The following SPOCK3 variants were observed in gnomAD, a reference collection of about 807,000 sequenced individuals.
SPOCK3 encodes the protein SPARC (osteonectin), cwcv and kazal like domains proteoglycan 3, also known as testican-3.
In SPOCK3, 30 loss-of-function variants were observed where a neutral mutation model predicts 56.6. The observed-to-expected ratio is 0.53, with a 90% CI of 0.40 to 0.72. SPOCK3 has a LOEUF of 0.72. Among genes scored for constraint, SPOCK3 ranks in the 30% least tolerant of loss-of-function variants. SPOCK3 has a pLI of 0.00. For synonymous variants in SPOCK3, 196 were observed against 183.3 expected (o/e 1.07, Z -0.56); for missense variants, 527 against 530.0 (o/e 0.99, Z 0.06).
At chr4:166,908,539 C>A (rs1736883443) in intron 5 of SPOCK3, among the ~76,000 whole-genome samples, 1 of 150,932 alleles carries the variant, frequency 6.6e-6, no homozygotes, top group Admixed American at 6.6e-5. Flanking sequence ...CACACACACA[C>A]ACACACACAC....
chr4:167,080,769 C>A (rs1001655441), intron 2 of SPOCK3, among the ~76,000 whole-genome samples: 7 of 151,796 alleles, frequency 4.6e-5, no homozygotes, highest in African/African-American at 1.7e-4. Context: ...TGCAAGGAGG[C>A]TGGGAGGAGG....
At chr4:166,884,954 C>G (rs777512049) in intron 6 of SPOCK3, among the ~76,000 whole-genome samples, 1 of 151,180 alleles carries the variant, frequency 6.6e-6, no homozygotes, top group Non-Finnish European at 1.5e-5. Flanking sequence ...TAAGGCAAAA[C>G]GAGAAATATG....
chr4:167,153,934 G>A (rs913560155), intron 2 of SPOCK3, among the ~76,000 whole-genome samples: 2 of 151,584 alleles, frequency 1.3e-5, no homozygotes, highest in African/African-American at 2.4e-5. Flanking sequence ...CACTGTCAGA[G>A]CCTTCCTTTC....
chr4:166,786,630 T>C (rs1172861719), intron 7 of SPOCK3, among the ~76,000 whole-genome samples: 2 of 152,222 alleles, frequency 1.3e-5, no homozygotes, highest in Non-Finnish European at 1.5e-5. Context: ...GTCTAAAGAC[T>C]AACTTAAATA....
At chr4:166,934,276 G>C (rs1200236238) in intron 4 of SPOCK3, among the ~76,000 whole-genome samples, 1 of 151,122 alleles carries the variant, frequency 6.6e-6, no homozygotes, top group Non-Finnish European at 1.5e-5. Context: ...GGATCACCAG[G>C]TCAGGAGATG....
chr4:166,855,466 C>A (rs192792519), intron 6 of SPOCK3, among the ~76,000 whole-genome samples: 100 of 152,242 alleles, frequency 6.6e-4, no homozygotes, highest in African/African-American at 2.4e-3. Flanking sequence ...GAAATTTTAA[C>A]CAACATTTTT....
chr4:167,180,488 A>C (rs574830180), intron 2 of SPOCK3, among the ~76,000 whole-genome samples: 1 of 152,322 alleles, frequency 6.6e-6, no homozygotes, highest in African/African-American at 2.4e-5. Flanking sequence ...AGAAAGGATA[A>C]AATTAAGAGA....
chr4:166,970,382 T>C (rs907635258), intron 4 of SPOCK3, among the ~76,000 whole-genome samples: 2 of 152,202 alleles, frequency 1.3e-5, no homozygotes, highest in South Asian at 4.1e-4. Flanking sequence ...ACCACCACTC[T>C]TATGTTTCTT....
At chr4:167,014,927 C>T (rs1750464236) in intron 3 of SPOCK3, among the ~76,000 whole-genome samples, 1 of 151,670 alleles carries the variant, frequency 6.6e-6, no homozygotes, top group Non-Finnish European at 1.5e-5. Context: ...TAAATTATAC[C>T]TCAATGGAAA....
intron 3 of SPOCK3, among the ~76,000 whole-genome samples, chr4:167,059,772 A>G (rs563731201): frequency 1.3e-5 from 2 of 152,198 alleles, no homozygotes; most frequent in Non-Finnish European, 2.9e-5. Context: ...ACAATGATAG[A>G]CTGGATTAAG....
intron 5 of SPOCK3, among the ~76,000 whole-genome samples, chr4:166,903,000 T>G (rs1458734636): frequency 6.6e-6 from 1 of 150,382 alleles, no homozygotes; most frequent in East Asian, 1.9e-4. Context: ...TTGTTCTTGC[T>G]GTTGGCATTG....
intron 4 of SPOCK3, among the ~76,000 whole-genome samples, chr4:166,999,995 G>A (rs913646040): frequency 6.6e-6 from 1 of 152,046 alleles, no homozygotes; most frequent in African/African-American, 2.4e-5. Flanking sequence ...ACTCTCTCCT[G>A]AGGGAAATAA....
chr4:166,955,557 T>A (rs937291832), intron 4 of SPOCK3, among the ~76,000 whole-genome samples: 13 of 110,748 alleles, frequency 1.2e-4, no homozygotes, highest in Non-Finnish European at 1.8e-5. Context: ...AATTATATTA[T>A]ATTATTAAAT....
chr4:166,892,690 G>T (rs2127020324), intron 5 of SPOCK3, among the ~76,000 whole-genome samples: 1 of 152,182 alleles, frequency 6.6e-6, no homozygotes, highest in East Asian at 1.9e-4. Flanking sequence ...ATAATGTAGA[G>T]AAAGACATGA....
chr4:166,911,919 A>G (rs1346058318), intron 5 of SPOCK3, among the ~76,000 whole-genome samples: 1 of 152,130 alleles, frequency 6.6e-6, no homozygotes, highest in Non-Finnish European at 1.5e-5. Context: ...TATTTTTTAA[A>G]TCTAAATTTT....
intron 2 of SPOCK3, among the ~76,000 whole-genome samples, chr4:167,217,931 T>G (rs1735528419): frequency 6.6e-6 from 1 of 151,602 alleles, no homozygotes; most frequent in Admixed American, 6.6e-5. Flanking sequence ...AAAAAAAAGT[T>G]AAACCCACAA....
At chr4:166,947,949 C>T (rs959095713) in intron 4 of SPOCK3, among the ~76,000 whole-genome samples, 1 of 152,112 alleles carries the variant, frequency 6.6e-6, no homozygotes, top group Non-Finnish European at 1.5e-5. Flanking sequence ...CTGGGTATTA[C>T]AACACCAGAA....
chr4:166,746,134 G>T (rs1189164702), intron 8 of SPOCK3, among the ~76,000 whole-genome samples: 2 of 152,136 alleles, frequency 1.3e-5, no homozygotes, highest in Non-Finnish European at 2.9e-5. Context: ...GCACCAAGCA[G>T]ACTTAATAGA....
At chr4:167,177,064 A>T (rs1175936213) in intron 2 of SPOCK3, among the ~76,000 whole-genome samples, 1 of 152,134 alleles carries the variant, frequency 6.6e-6, no homozygotes, top group Admixed American at 6.6e-5. Flanking sequence ...TCTACCAAAT[A>T]GGTGAAAAGT....
Sources: allele counts gnomAD v4.1 joint callset (sites outside exome capture counted in the v4.1 genomes callset), GRCh38; gene constraint gnomAD v4.1.1; transcripts MANE v1.5; gene names NCBI Gene and HGNC (gene_info 2026-07-23, HGNC 2026-07-21).